The following ODAD2 variants were observed in gnomAD, a reference collection of about 807,000 sequenced individuals.
The protein encoded by ODAD2 is outer dynein arm-docking complex subunit 2.
ODAD2 carries 89 observed loss-of-function variants against 106.8 expected under a neutral mutation model. The observed-to-expected ratio is 0.83, with a 90% CI of 0.70 to 0.99. The LOEUF (loss-of-function observed/expected upper bound fraction) is 0.99. ODAD2 is among the 50% of genes least tolerant of loss of function. The pLI is 0.00. For missense variants in ODAD2, 1,168 were observed against 1,238.5 expected (o/e 0.94, Z 0.85); for synonymous variants, 404 against 436.2 (o/e 0.93, Z 0.92).
intron 17 of ODAD2, among the ~76,000 whole-genome samples, chr10:27,898,479 T>C (rs1842989209): frequency 6.6e-6 from 1 of 152,190 alleles, no homozygotes; most frequent in African/African-American, 2.4e-5. Context: ...TGGGTGTGTG[T>C]CTTTAACATG....
chr10:27,898,717 T>C (rs2133780567), intron 17 of ODAD2, among the ~76,000 whole-genome samples: 1 of 152,336 alleles, frequency 6.6e-6, no homozygotes, highest in South Asian at 2.1e-4. Context: ...TGCAAGTTTT[T>C]ATTTTGTTCA....
intron 19 of ODAD2, among the ~76,000 whole-genome samples, chr10:27,828,710 C>A (rs747925714): frequency 3.3e-5 from 5 of 152,070 alleles, no homozygotes; most frequent in African/African-American, 4.8e-5. Flanking sequence ...AAGAAGCTTT[C>A]CATGAAATAA....
rs150297564 is a variant in ODAD2 at position 27,862,618 on chromosome 10, G to A, written c.2615C>T (p.Ala872Val). Residue 872 changes from alanine to valine, a missense_variant, in exon 18 of 20, where the codon GCT (alanine) becomes GTT (valine). By Grantham distance (64) the Ala-to-Val change is moderately conservative (BLOSUM62 0). Coordinates refer to ENST00000305242, the MANE Select transcript of ODAD2 (RefSeq NM_018076.5). ...LCPCIKNAKD[A>V]GEMVRSFVGG... is the part of the protein sequence containing the mutation. ...AACAAAGGAACGAACCATTTCCCCAGCATCCTAGACAAAAATAAAAGTAAA... is the reference window on the plus strand; with the variant it reads ...AACAAAGGAACGAACCATTTCCCCAACATCCTAGACAAAAATAAAAGTAAA... The A allele has an allele frequency of 1.3e-6, 2 of 1,595,886 alleles. No homozygotes were observed. The highest frequency in any genetic ancestry group is 1.1e-5 in the South Asian group (1 of 87,118).
intron 16 of ODAD2, among the ~76,000 whole-genome samples, chr10:27,932,556 A>G (rs764509987): frequency 1.3e-5 from 2 of 152,196 alleles, no homozygotes; most frequent in Admixed American, 1.3e-4. Context: ...TAAATTCTAT[A>G]TGGAAAATAT....
intron 19 of ODAD2, among the ~76,000 whole-genome samples, chr10:27,854,175 C>A (rs1208521423): frequency 6.6e-6 from 1 of 152,122 alleles, no homozygotes; most frequent in African/African-American, 2.4e-5. Flanking sequence ...TCATAAGATA[C>A]CATGACATAC....
rs377478323 is a variant in ODAD2, at chr10:27,989,844, C to A, written c.225-2301G>T. Among the ~76,000 whole-genome samples, 11 of 152,034 alleles carry A rather than the reference C, an allele frequency of 7.2e-5. No individual in the cohort carries two copies. The East Asian group carries it at 1.2e-3, about 16-fold the overall frequency. ...AACCTGAGTGACAGAGTGAGACCCCCTCTCAAAAAATAAAATAAAAATAGA... is the reference window on the plus strand; with the variant it reads ...AACCTGAGTGACAGAGTGAGACCCCATCTCAAAAAATAAAATAAAAATAGA... On this transcript the variant is annotated intron_variant, in intron 2 of 19. Coordinates refer to ENST00000305242, the MANE Select transcript of ODAD2 (RefSeq NM_018076.5).
chr10:27,952,470 T>C (rs1245530114), intron 10 of ODAD2, among the ~76,000 whole-genome samples: 1 of 152,058 alleles, frequency 6.6e-6, no homozygotes, highest in Non-Finnish European at 1.5e-5. Flanking sequence ...ACGTGTGCCA[T>C]GTGGTTTGCT....
intron 19 of ODAD2, among the ~76,000 whole-genome samples, chr10:27,828,754 T>A (rs994364714): frequency 2.0e-5 from 3 of 152,182 alleles, no homozygotes; most frequent in Non-Finnish European, 4.4e-5. Context: ...CTCTAGGAAA[T>A]GCTAAGAATT....
intron 2 of ODAD2, among the ~76,000 whole-genome samples, chr10:27,988,229 A>G (rs1269548489): frequency 6.6e-6 from 1 of 151,640 alleles, no homozygotes; most frequent in African/African-American, 2.4e-5. Context: ...CATGGAAGTG[A>G]TATTTCTATA....
intron 17 of ODAD2, among the ~76,000 whole-genome samples, chr10:27,892,352 G>T (rs1469373664): frequency 6.6e-6 from 1 of 152,048 alleles, no homozygotes; most frequent in Non-Finnish European, 1.5e-5. Flanking sequence ...TTCTGTTCTT[G>T]GGTTCTTGAT....
At chr10:27,975,836 A>G (rs1235921154) in intron 7 of ODAD2, among the ~76,000 whole-genome samples, 2 of 152,072 alleles carry the variant, frequency 1.3e-5, no homozygotes, top group East Asian at 1.9e-4. Flanking sequence ...CCAAAACCAG[A>G]CAAAGATACT....
chr10:27,995,703 T>C (rs1397947347), intron 1 of ODAD2: 1 of 152,634 alleles, frequency 6.6e-6, no homozygotes, highest in Non-Finnish European at 1.5e-5. Flanking sequence ...TTCTGGTAGC[T>C]CTGGTTTCCC....
chr10:27,964,488 G>A (rs529032986), intron 9 of ODAD2, among the ~76,000 whole-genome samples: 19 of 152,194 alleles, frequency 1.2e-4, no homozygotes, highest in Non-Finnish European at 1.9e-4. Context: ...TTCACCAAAC[G>A]TGCATGGAGG....
chr10:27,937,335 T>G (rs1396677742), intron 14 of ODAD2, among the ~76,000 whole-genome samples: 1 of 141,792 alleles, frequency 7.1e-6, no homozygotes, highest in Non-Finnish European at 1.5e-5. Flanking sequence ...TTTCTTTCTT[T>G]TTTCTTTTTT....
chr10:27,892,060 G>A (rs910363169), intron 17 of ODAD2, among the ~76,000 whole-genome samples: 5 of 151,508 alleles, frequency 3.3e-5, no homozygotes, highest in Admixed American at 2.0e-4. Context: ...GTGTTTGATC[G>A]TTCAGCTTGA....
rs57375404 is a variant in ODAD2, at chr10:27,937,339, C to CTT, written c.2098-461_2098-460dup. Reference sequence around the variant, plus strand: ...TTCTTTTTTTCTTTCTTTCTTTTTTCTTTTTTTTTTTTTTTTGAGAGAGAC... The same window carrying CTT: ...TTCTTTTTTTCTTTCTTTCTTTTTTCTTTTTTTTTTTTTTTTTTGAGAGAGAC... On this transcript the variant is annotated intron_variant, in intron 14 of 19. Coordinates refer to ENST00000305242, the MANE Select transcript of ODAD2 (RefSeq NM_018076.5). Among the ~76,000 whole-genome samples, 957 of 132,736 alleles carry CTT rather than the reference C, an allele frequency of 7.2e-3. 4 individuals are homozygous for CTT. The highest frequency in any genetic ancestry group is 0.011 in the Non-Finnish European group (697 of 62,768). The allele number at this position is 132,736 out of a possible 152,430, so 87.1% of individuals were successfully genotyped here. A position where few individuals can be genotyped will look rare whatever the true frequency, so the allele number is the denominator to read the frequency against.
chr10:27,860,749 G>A lies in ODAD2; in HGVS notation c.2897C>T (p.Ala966Val), dbSNP rs201834298. ...RVAFGEHKAV[A>V]PLVRYLKSND... ...TGATTTCAGATAACGCACTAGTGGA[G>A]CCACTGCTTTGTGCTCACCGAAGGC... Residue 966 changes from alanine (A) to valine (V), a missense_variant, in exon 19 of 20, where the codon GCT becomes GTT. This residue lies in a region of ODAD2 where 701 missense variants were observed against 712.3 expected (regional missense o/e 0.98). Transcript: ENST00000305242. 4.3e-6 allele frequency: 7 copies of A among 1,614,170 alleles called. No homozygotes were observed. The highest frequency in any genetic ancestry group is 5.9e-6 in the Non-Finnish European group (7 of 1,180,012).
rs1168636087 is a variant in ODAD2 at position 27,987,468 on chromosome 10, T to A, written c.300A>T (p.Lys100Asn). ...PLLFLSVPQIKIRSFGQLSRL... is the reference protein window; with the variant it reads ...PLLFLSVPQINIRSFGQLSRL... ...GTGACAGCTGCCCAAAGCTCCTAATTTTAATTTGTGGTACAGAGAGAAATA... is the reference window on the plus strand; with the variant it reads ...GTGACAGCTGCCCAAAGCTCCTAATATTAATTTGTGGTACAGAGAGAAATA... Residue 100 changes from lysine (K) to asparagine (N), a missense_variant, in exon 3 of 20, where the codon AAA (lysine) becomes AAT (asparagine). Physicochemically the swap from Lys to Asn is moderately conservative, Grantham distance 94. Coordinates refer to ENST00000305242, the MANE Select transcript of ODAD2 (RefSeq NM_018076.5). 6.2e-7 allele frequency: 1 copy of A among 1,613,910 alleles called. No homozygotes were observed. Among genetic ancestry groups the A allele is most frequent in the Non-Finnish European group, 8.5e-7 (1 of 1,179,898 alleles).
At chr10:27,970,057 G>A (rs1322387475) in intron 8 of ODAD2, among the ~76,000 whole-genome samples, 1 of 151,878 alleles carries the variant, frequency 6.6e-6, no homozygotes, top group Admixed American at 6.6e-5. Context: ...AGTGAGCCAA[G>A]TTTGTGCCAC....
Sources: gnomAD v4.1 joint callset for allele counts (sites outside exome capture counted in the v4.1 genomes callset) on GRCh38, gnomAD v4.1.1 for gene constraint, gnomAD v4.1.1 regional missense constraint, MANE v1.5 for transcripts, NCBI Gene and HGNC (gene_info 2026-07-23, HGNC 2026-07-21) for gene names.